Variants in GSK3B observed in about 807,000 individuals in gnomAD.
The protein encoded by GSK3B is glycogen synthase kinase-3 beta.
Under a neutral mutation model 56.4 loss-of-function variants are expected in GSK3B, and 15 were observed. That is an observed-to-expected ratio of 0.27 (90% CI 0.18 to 0.41). The LOEUF is 0.41. Among genes scored for constraint, GSK3B ranks in the 10% least tolerant of loss-of-function variants. GSK3B has a pLI of 1.00. For synonymous variants in GSK3B, 181 were observed against 188.9 expected (o/e 0.96, Z 0.34); for missense variants, 300 against 513.4 (o/e 0.58, Z 4.02).
At chr3:119,861,956 G>C (rs573621142) in intron 9 of GSK3B, among the ~76,000 whole-genome samples, 9 of 151,894 alleles carry the variant, frequency 5.9e-5, no homozygotes, top group African/African-American at 1.9e-4. Context: ...ACCACACACT[G>C]TATCTATACA....
At chr3:119,851,104 T>C (rs1043972711) in intron 9 of GSK3B, among the ~76,000 whole-genome samples, 1 of 152,222 alleles carries the variant, frequency 6.6e-6, no homozygotes, top group Non-Finnish European at 1.5e-5. Context: ...ACTACAAATG[T>C]TTTGATGGTG....
chr3:119,884,578 A>G (rs1244479806), intron 7 of GSK3B, among the ~76,000 whole-genome samples: 1 of 152,162 alleles, frequency 6.6e-6, no homozygotes, highest in Admixed American at 6.6e-5. Context: ...GTAGATAGGG[A>G]TACAAATGCA....
chr3:119,853,951 G>A (rs990369494), intron 9 of GSK3B, among the ~76,000 whole-genome samples: 9 of 152,178 alleles, frequency 5.9e-5, no homozygotes, highest in East Asian at 5.8e-4. Context: ...AACTTCCAAC[G>A]CTATGTTGAA....
rs1559837858 is a variant in GSK3B, at chr3:119,922,224, A to AG, written c.477+1148dup. 1.8e-4 allele frequency among the ~76,000 whole-genome samples: 17 copies of AG among 95,094 alleles called. 1 individual carries two copies. Among genetic ancestry groups the AG allele is most frequent in the African/African-American group, 8.0e-4 (17 of 21,306 alleles). 62.4% of individuals were successfully genotyped at this position (95,094 alleles called of 152,430 possible). ...AGGGAAGGAGGGAAGGAAGGAAGGA[A>AG]GGAGGGAAGGAAGGAAGGAAGGAAG... On this transcript the variant is annotated intron_variant, in intron 4 of 10. Transcript: ENST00000264235.
chr3:120,074,560 C>T (rs562585416), intron 1 of GSK3B, among the ~76,000 whole-genome samples: 78 of 152,104 alleles, frequency 5.1e-4, no homozygotes, highest in African/African-American at 1.9e-3. Context: ...TCATGATCTG[C>T]CCGTCTCAGC....
intron 2 of GSK3B, among the ~76,000 whole-genome samples, chr3:119,993,173 G>C (rs745818493): frequency 6.7e-6 from 1 of 150,264 alleles, no homozygotes. Flanking sequence ...ATGCACAAAC[G>C]AGCAGGTATG....
chr3:119,878,549 G>A (rs943150181), intron 7 of GSK3B, among the ~76,000 whole-genome samples: 2 of 152,080 alleles, frequency 1.3e-5, no homozygotes, highest in African/African-American at 4.8e-5. Context: ...AAACAGTTTG[G>A]AAGTTTCTTA....
At chr3:119,983,077 A>G (rs2057480092) in intron 2 of GSK3B, among the ~76,000 whole-genome samples, 1 of 152,216 alleles carries the variant, frequency 6.6e-6, no homozygotes, top group Non-Finnish European at 1.5e-5. Flanking sequence ...AAGAATTTTC[A>G]ACCCAGAATC....
chr3:120,069,930 G>A (rs1024683051), intron 1 of GSK3B, among the ~76,000 whole-genome samples: 2 of 151,996 alleles, frequency 1.3e-5, no homozygotes, highest in Non-Finnish European at 2.9e-5. Context: ...AAATATAGGG[G>A]AAGGCCAGGC....
chr3:119,920,191 A>G (rs544123246), intron 4 of GSK3B, among the ~76,000 whole-genome samples: 47 of 152,356 alleles, frequency 3.1e-4, no homozygotes, highest in African/African-American at 1.1e-3. Context: ...CTATAATAAA[A>G]GTAAACTGAA....
intron 7 of GSK3B, among the ~76,000 whole-genome samples, chr3:119,882,326 C>T (rs1452383900): frequency 6.6e-6 from 1 of 152,106 alleles, no homozygotes; most frequent in African/African-American, 2.4e-5. Flanking sequence ...TCACATCCTT[C>T]TCCCTAAATT....
At chr3:119,958,798 G>A (rs1258982534) in intron 2 of GSK3B, among the ~76,000 whole-genome samples, 2 of 151,584 alleles carry the variant, frequency 1.3e-5, no homozygotes, top group African/African-American at 4.9e-5. Flanking sequence ...CATGAAAAGA[G>A]TGTTCACTTT....
At chr3:120,017,946 C>G (rs2057840971) in intron 1 of GSK3B, among the ~76,000 whole-genome samples, 1 of 152,188 alleles carries the variant, frequency 6.6e-6, no homozygotes, top group Admixed American at 6.5e-5. Context: ...TGACCTCGGA[C>G]CCTGCAATCA....
At chr3:119,945,504 G>A (rs2057091511) in intron 3 of GSK3B, among the ~76,000 whole-genome samples, 1 of 152,092 alleles carries the variant, frequency 6.6e-6, no homozygotes, top group South Asian at 2.1e-4. Context: ...ACAGATAAGA[G>A]GCAGTCAGTT....
chr3:119,826,556 A>AACCCCCCCCC lies in GSK3B; in HGVS notation c.*231_*232insGGGGGGGGGT. 6.9e-6 allele frequency: 4 copies of AACCCCCCCCC among 580,976 alleles called. No individual in the cohort carries two copies. Among genetic ancestry groups the AACCCCCCCCC allele is most frequent in the Non-Finnish European group, 3.2e-6 (1 of 315,918 alleles). 36.0% of individuals were successfully genotyped at this position (580,976 alleles called of 1,614,324 possible). On this transcript the variant is annotated 3_prime_UTR_variant, in exon 11 of 11. Coordinates refer to ENST00000264235, the MANE Select transcript of GSK3B (RefSeq NM_001146156.2). ...GTGCTCCGCTTTCCCCCTCCCCACA[A>AACCCCCCCCC]CCCCTCCCACCCCCTGGATCTCCCT...
At chr3:119,926,375 C>A (rs1452043096) in intron 3 of GSK3B, among the ~76,000 whole-genome samples, 2 of 151,740 alleles carry the variant, frequency 1.3e-5, no homozygotes, top group African/African-American at 4.8e-5. Context: ...CACACATACA[C>A]CCTCATATCC....
intron 10 of GSK3B, among the ~76,000 whole-genome samples, chr3:119,836,539 T>G (rs1257361342): frequency 6.6e-6 from 1 of 152,040 alleles, no homozygotes; most frequent in African/African-American, 2.4e-5. Context: ...TACAGATATT[T>G]AGGCACTAGA....
At chr3:119,906,235 G>A (rs1170279703) in intron 6 of GSK3B, among the ~76,000 whole-genome samples, 1 of 152,064 alleles carries the variant, frequency 6.6e-6, no homozygotes, top group Non-Finnish European at 1.5e-5. Flanking sequence ...TTACAGAGGA[G>A]CAGCAAGGAA....
chr3:119,962,562 T>A (rs2057282464), intron 2 of GSK3B, among the ~76,000 whole-genome samples: 1 of 150,466 alleles, frequency 6.6e-6, no homozygotes, highest in Non-Finnish European at 1.5e-5. Flanking sequence ...GAAAAAGAAA[T>A]AAAAGGCATC....
Sources: allele counts gnomAD v4.1 joint callset (sites outside exome capture counted in the v4.1 genomes callset), GRCh38; gene constraint gnomAD v4.1.1; transcripts MANE v1.5; gene names NCBI Gene and HGNC (gene_info 2026-07-23, HGNC 2026-07-21).